The following DDX50 variants were observed in gnomAD, a reference collection of about 807,000 sequenced individuals.
DDX50 encodes the protein DExD-box helicase 50.
A neutral mutation model predicts 94.8 loss-of-function variants in DDX50; 56 were observed. The ratio of observed to expected loss-of-function variants is 0.59; its 90% CI spans 0.48 to 0.74. The LOEUF (loss-of-function observed/expected upper bound fraction) is 0.74. Ranked by LOEUF, DDX50 falls within the 30% of genes least tolerant of loss-of-function variation. DDX50 has a pLI of 0.00. For missense variants in DDX50, 713 were observed against 881.2 expected (o/e 0.81, Z 2.42); for synonymous variants, 264 against 295.4 (o/e 0.89, Z 1.09).
At position 68,901,485 on chromosome 10, in the gene DDX50, G is replaced by A; in HGVS notation, c.87+14G>A. 1 of 1,556,404 alleles carries A rather than the reference G, an allele frequency of 6.4e-7. No homozygotes were observed. The highest frequency in any genetic ancestry group is 1.2e-5 in the South Asian group (1 of 84,186). On this transcript the variant is annotated intron_variant, in intron 1 of 14. Transcript: ENST00000373585. Reference sequence around the variant, plus strand: ...GAGAGGCAAAAGGTGCGCTGAGCATGGGCCGCGCCTCCTTTTGGGCTGCGC... The same window carrying A: ...GAGAGGCAAAAGGTGCGCTGAGCATAGGCCGCGCCTCCTTTTGGGCTGCGC...
chr10:68,917,707 A>T (rs1445044225), intron 7 of DDX50, among the ~76,000 whole-genome samples: 1 of 151,860 alleles, frequency 6.6e-6, no homozygotes, highest in Non-Finnish European at 1.5e-5. Flanking sequence ...GGTTCAAGAG[A>T]TTCTCCTGTC....
chr10:68,901,357 G>T lies in DDX50; in HGVS notation c.-28G>T, dbSNP rs201196346. 34 of 1,527,288 alleles carry T rather than the reference G, an allele frequency of 2.2e-5. No individual in the cohort carries two copies. Among genetic ancestry groups the T allele is most frequent in the South Asian group, 1.5e-4 (12 of 81,666 alleles). The allele number at this position is 1,527,288 out of a possible 1,614,324, so 94.6% of individuals were successfully genotyped here. On this transcript the variant is annotated 5_prime_UTR_variant, in exon 1 of 15. Transcript: ENST00000373585. ...GCCCGTAGGTGGTTGTGGCCACTGT[G>T]CCCGGAGGGAGGCGGCGGTGGCCAG...
chr10:68,926,774 T>TACACACACACACACAC (rs67773821), intron 8 of DDX50, among the ~76,000 whole-genome samples: 1 of 140,422 alleles, frequency 7.1e-6, no homozygotes, highest in African/African-American at 2.6e-5. Flanking sequence ...CACACAGAGA[T>TACACACACACACACAC]ACACACACAC....
chr10:68,903,029 T>C (rs1419813229), intron 1 of DDX50, among the ~76,000 whole-genome samples: 2 of 152,234 alleles, frequency 1.3e-5, no homozygotes, highest in Non-Finnish European at 2.9e-5. Flanking sequence ...GAAATACATA[T>C]TGACTGCCCT....
intron 14 of DDX50, 32 bp downstream of exon 14, chr10:68,943,289 G>T (rs764882060): frequency 6.5e-7 from 1 of 1,544,802 alleles, no homozygotes; most frequent in Non-Finnish European, 8.8e-7. Flanking sequence ...TTAAATGGTT[G>T]AGTACATTCT....
At chr10:68,909,990 AG>A (rs1348553515) in intron 2 of DDX50, among the ~76,000 whole-genome samples, 1 of 152,162 alleles carries the variant, frequency 6.6e-6, no homozygotes, top group Non-Finnish European at 1.5e-5. Flanking sequence ...CAGGAGTTTA[AG>A]ATCTGCCTGG....
chr10:68,937,581 TAA>T (rs1842454242), intron 12 of DDX50, among the ~76,000 whole-genome samples: 1 of 133,390 alleles, frequency 7.5e-6, no homozygotes, highest in Non-Finnish European at 1.6e-5. Context: ...TATAACTTTA[TAA>T]GTTTTTTTTT....
At chr10:68,903,390 G>A (rs1841346005) in intron 1 of DDX50, among the ~76,000 whole-genome samples, 1 of 151,676 alleles carries the variant, frequency 6.6e-6, no homozygotes, top group Non-Finnish European at 1.5e-5. Flanking sequence ...AAATTGGGCC[G>A]GGCATGGTGA....
intron 1 of DDX50, among the ~76,000 whole-genome samples, chr10:68,904,090 G>A (rs1458921753): frequency 6.6e-6 from 1 of 151,260 alleles, no homozygotes; most frequent in East Asian, 1.9e-4. Flanking sequence ...GTTGCAGTGA[G>A]CCAAGATCAC....
chr10:68,943,553 A>G (rs1402881268), intron 14 of DDX50, among the ~76,000 whole-genome samples: 3 of 151,802 alleles, frequency 2.0e-5, no homozygotes, highest in Admixed American at 6.6e-5. Flanking sequence ...GTGTGCCACT[A>G]TGTCTGGCTA....
intron 12 of DDX50, 88 bp from the exon 13 acceptor site, chr10:68,940,971 CA>C (rs1370858029): frequency 3.2e-5 from 47 of 1,486,262 alleles, no homozygotes; most frequent in Admixed American, 7.4e-5. Flanking sequence ...AAGAAATGCA[CA>C]GTTAAGTCTT....
chr10:68,930,067 TCCTTCCTTTCCTTTC>T (rs1230521908), intron 8 of DDX50, among the ~76,000 whole-genome samples: 3 of 149,160 alleles, frequency 2.0e-5, no homozygotes, highest in Non-Finnish European at 4.4e-5. Flanking sequence ...TCCTTTCTTT[TCCTTCCTTTCCTTTC>T]CCTTCCTTCC....
At chr10:68,937,937 T>C (rs548228163) in intron 12 of DDX50, among the ~76,000 whole-genome samples, 240 of 152,252 alleles carry the variant, frequency 1.6e-3, no homozygotes, top group African/African-American at 5.6e-3. Context: ...CGTGATATCA[T>C]CCCTAAATAT....
chr10:68,929,733 T>TC (rs1311501022), intron 8 of DDX50, among the ~76,000 whole-genome samples: 4 of 149,582 alleles, frequency 2.7e-5, no homozygotes, highest in Non-Finnish European at 5.9e-5. Context: ...CTCTTTTTTT[T>TC]TTTTTTTTTT....
intron 8 of DDX50, among the ~76,000 whole-genome samples, chr10:68,922,099 T>C (rs1280402403): frequency 1.3e-5 from 2 of 152,212 alleles, no homozygotes; most frequent in Admixed American, 1.3e-4. Context: ...TTAAGGACTC[T>C]TGTTGTGCAT....
chr10:68,931,419 A>ATG (rs1842265644), intron 8 of DDX50, among the ~76,000 whole-genome samples: 2 of 90,628 alleles, frequency 2.2e-5, no homozygotes, highest in African/African-American at 4.4e-5. Context: ...ATGTATATAT[A>ATG]TATATATACA....
At chr10:68,926,758 G>C (rs1402699671) in intron 8 of DDX50, among the ~76,000 whole-genome samples, 1 of 143,434 alleles carries the variant, frequency 7.0e-6, no homozygotes, top group Non-Finnish European at 1.5e-5. Flanking sequence ...AACAGTCTCT[G>C]TGTCTCACAC....
chr10:68,917,956 C>T (rs1482583826), intron 7 of DDX50, among the ~76,000 whole-genome samples: 1 of 151,584 alleles, frequency 6.6e-6, no homozygotes, highest in Non-Finnish European at 1.5e-5. Flanking sequence ...TGGAATTTCA[C>T]TCTTGTCGCC....
chr10:68,925,279 T>A (rs1037640753), intron 8 of DDX50, among the ~76,000 whole-genome samples: 9 of 151,708 alleles, frequency 5.9e-5, no homozygotes, highest in Non-Finnish European at 1.0e-4. Context: ...AATTTTTTTT[T>A]TTTTATTTTT....
Sources: allele counts gnomAD v4.1 joint callset (sites outside exome capture counted in the v4.1 genomes callset), GRCh38; gene constraint gnomAD v4.1.1; transcripts MANE v1.5; gene names NCBI Gene and HGNC (gene_info 2026-07-23, HGNC 2026-07-21).